Variants in ABCA12 observed in about 807,000 individuals in gnomAD.
ABCA12 encodes the protein ATP binding cassette subfamily A member 12, also known as glucosylceramide transporter ABCA12.
In ABCA12, 156 loss-of-function variants were observed where a neutral mutation model predicts 293.5. The ratio of observed to expected loss-of-function variants is 0.53; its 90% CI spans 0.47 to 0.61. The LOEUF is 0.61. ABCA12 is among the 20% of genes least tolerant of loss of function. The pLI, the probability that ABCA12 is intolerant of heterozygous loss-of-function variation, is 0.00. For synonymous variants in ABCA12, 1,063 were observed against 1,108.0 expected, an observed-to-expected ratio of 0.96 and a Z score of 0.81; for missense variants, 2,797 against 3,090.2, an observed-to-expected ratio of 0.91 and a Z score of 2.25.
chr2:215,128,502 C>T (rs551163333), intron 1 of ABCA12, among the ~76,000 whole-genome samples: 44 of 152,212 alleles, frequency 2.9e-4, no homozygotes, highest in African/African-American at 1.0e-3. Context: ...TTTTCTTACT[C>T]TTCTTTCTTT....
intron 2 of ABCA12, among the ~76,000 whole-genome samples, chr2:215,072,212 C>T (rs1043133952): frequency 4.6e-5 from 7 of 152,226 alleles, no homozygotes; most frequent in African/African-American, 9.6e-5. Context: ...CCTACAATGT[C>T]GGGATCTTTC....
At chr2:215,065,507 GA>G (rs892583223) in intron 2 of ABCA12, among the ~76,000 whole-genome samples, 49 of 151,772 alleles carry the variant, frequency 3.2e-4, no homozygotes, top group African/African-American at 8.9e-4. Context: ...AGAGCTGGGG[GA>G]AAAAAATAAA....
intron 10 of ABCA12, 40 bp from the exon 11 acceptor site, chr2:215,025,819 A>G (rs772027039): frequency 6.9e-7 from 1 of 1,452,118 alleles, no homozygotes; most frequent in Non-Finnish European, 9.7e-7. Context: ...TGTGAATTGC[A>G]AGGTCATTTA....
At chr2:214,947,074 TTTC>T (rs1210653501) in intron 48 of ABCA12, among the ~76,000 whole-genome samples, 1 of 152,130 alleles carries the variant, frequency 6.6e-6, no homozygotes, top group East Asian at 1.9e-4. Flanking sequence ...AGAGAGATGA[TTTC>T]TTCAATAGGT....
At chr2:215,056,763 CCAAA>C (rs1384689181) in intron 3 of ABCA12, among the ~76,000 whole-genome samples, 3 of 152,046 alleles carry the variant, frequency 2.0e-5, no homozygotes, top group Non-Finnish European at 4.4e-5. Context: ...TACTTTCCCC[CCAAA>C]CAAAGGTAAT....
intron 24 of ABCA12, 82 bp from the exon 25 acceptor site, chr2:214,989,703 T>C (rs1167856572): frequency 6.9e-7 from 1 of 1,456,392 alleles, no homozygotes; most frequent in African/African-American, 1.4e-5. Context: ...ACTTAAAACT[T>C]TGGACATTTG....
intron 52 of ABCA12, among the ~76,000 whole-genome samples, chr2:214,933,630 A>C (rs1242445532): frequency 1.3e-5 from 2 of 152,198 alleles, no homozygotes; most frequent in Non-Finnish European, 2.9e-5. Context: ...TTGAACGGAA[A>C]GGATTCTGCA....
chr2:214,995,971 T>C (rs1313352799), intron 23 of ABCA12, among the ~76,000 whole-genome samples: 1 of 152,164 alleles, frequency 6.6e-6, no homozygotes, highest in East Asian at 1.9e-4. Flanking sequence ...TCAAAGGGTT[T>C]AAGAGACTGA....
intron 1 of ABCA12, among the ~76,000 whole-genome samples, chr2:215,120,520 T>C (rs1009043410): frequency 1.3e-5 from 2 of 151,682 alleles, no homozygotes; most frequent in African/African-American, 4.8e-5. Context: ...ACAGAAGAAA[T>C]AAATATGTGT....
intron 50 of ABCA12, among the ~76,000 whole-genome samples, chr2:214,941,468 C>T (rs1417399812): frequency 4.6e-5 from 7 of 152,168 alleles, no homozygotes; most frequent in African/African-American, 1.7e-4. Context: ...ATTAGGTCCA[C>T]TTGGTCCAGA....
intron 9 of ABCA12, chr2:215,028,951 AT>A (rs1309160156): frequency 6.6e-6 from 1 of 152,228 alleles, no homozygotes; most frequent in Non-Finnish European, 1.5e-5. Flanking sequence ...CAGAAAGAAT[AT>A]TCTAAAGATA....
intron 11 of ABCA12, among the ~76,000 whole-genome samples, chr2:215,020,155 T>C (rs954277483): frequency 6.6e-6 from 1 of 152,182 alleles, no homozygotes; most frequent in East Asian, 1.9e-4. Context: ...AAAGCAAGTT[T>C]GTTTTAGAAC....
chr2:215,024,225 C>A (rs1205018767), intron 11 of ABCA12, among the ~76,000 whole-genome samples: 1 of 152,180 alleles, frequency 6.6e-6, no homozygotes, highest in Non-Finnish European at 1.5e-5. Flanking sequence ...TGCACAGAAG[C>A]CTCTATCCAC....
intron 36 of ABCA12, among the ~76,000 whole-genome samples, chr2:214,972,273 G>T (rs1362685775): frequency 2.0e-5 from 3 of 151,478 alleles, no homozygotes; most frequent in Non-Finnish European, 4.4e-5. Context: ...TATCCATATT[G>T]TATGTCTGGT....
chr2:215,068,285 C>T (rs977278454), intron 2 of ABCA12, among the ~76,000 whole-genome samples: 1 of 152,158 alleles, frequency 6.6e-6, no homozygotes. Flanking sequence ...AGTTTGGGAA[C>T]CACTGGATTA....
intron 16 of ABCA12, 104 bp from the exon 17 acceptor site, chr2:215,011,753 T>C: frequency 1.6e-6 from 2 of 1,216,410 alleles, no homozygotes; most frequent in Non-Finnish European, 2.4e-6. Flanking sequence ...ATCCTTACAG[T>C]TTCCATAATT....
intron 20 of ABCA12, among the ~76,000 whole-genome samples, chr2:215,003,998 C>T (rs1034729321): frequency 6.6e-6 from 1 of 152,252 alleles, no homozygotes; most frequent in East Asian, 1.9e-4. Context: ...TAACTACAGA[C>T]ACTGGGCATC....
At chr2:215,099,174 C>A (rs1702303152) in intron 2 of ABCA12, among the ~76,000 whole-genome samples, 1 of 152,196 alleles carries the variant, frequency 6.6e-6, no homozygotes, top group Admixed American at 6.5e-5. Flanking sequence ...GGAAAGCCAG[C>A]CACTCTGTCT....
intron 11 of ABCA12, among the ~76,000 whole-genome samples, chr2:215,020,379 C>T (rs1700602425): frequency 6.6e-6 from 1 of 151,426 alleles, no homozygotes; most frequent in Non-Finnish European, 1.5e-5. Flanking sequence ...CATGAATGAA[C>T]CTTGAGGATA....
Sources: allele counts gnomAD v4.1 joint callset (sites outside exome capture counted in the v4.1 genomes callset), GRCh38; gene constraint gnomAD v4.1.1; transcripts MANE v1.5; gene names NCBI Gene and HGNC (gene_info 2026-07-23, HGNC 2026-07-21).